The following ASTN2 variants were observed in gnomAD, a reference collection of about 807,000 sequenced individuals.
ASTN2 encodes the protein astrotactin 2.
Under a neutral mutation model 139.8 loss-of-function variants are expected in ASTN2, and 54 were observed. The observed-to-expected ratio is 0.39, with a 90% CI of 0.31 to 0.48. The LOEUF (loss-of-function observed/expected upper bound fraction) is 0.48. Ranked by LOEUF, ASTN2 falls within the 20% of genes least tolerant of loss-of-function variation. ASTN2 has a pLI of 0.95. For synonymous variants in ASTN2, 756 were observed against 719.5 expected, an observed-to-expected ratio of 1.05 and a Z score of -0.81; for missense variants, 1,565 against 1,725.1, an observed-to-expected ratio of 0.91 and a Z score of 1.64.
chr9:117,189,025 C>T (rs1256600000), intron 3 of ASTN2, among the ~76,000 whole-genome samples: 1 of 152,108 alleles, frequency 6.6e-6, no homozygotes, highest in Non-Finnish European at 1.5e-5. Context: ...CTCCTGTCCC[C>T]ACCTGGGACA....
chr9:116,464,345 A>G (rs1358186095), intron 20 of ASTN2, among the ~76,000 whole-genome samples: 1 of 152,084 alleles, frequency 6.6e-6, no homozygotes, highest in Admixed American at 6.6e-5. Context: ...GATTTTTGTG[A>G]GGATTATTTG....
intron 19 of ASTN2, among the ~76,000 whole-genome samples, chr9:116,609,314 C>CTG (rs1295358031): frequency 2.5e-5 from 3 of 119,488 alleles, no homozygotes; most frequent in African/African-American, 1.2e-4. Flanking sequence ...CTCTCTCTCT[C>CTG]TCTCTCTCTC....
At chr9:117,198,525 T>C (rs567442579) in intron 3 of ASTN2, among the ~76,000 whole-genome samples, 2 of 152,218 alleles carry the variant, frequency 1.3e-5, no homozygotes, top group African/African-American at 4.8e-5. Context: ...CCACATTTTC[T>C]TTATCCAGTG....
chr9:117,157,002 A>G lies in ASTN2; in HGVS notation c.1016-15524T>C, dbSNP rs142553070. Among the ~76,000 whole-genome samples, 3 of 152,100 alleles carry G rather than the reference A, an allele frequency of 2.0e-5. No individual in the cohort carries two copies. In the East Asian group the frequency reaches 5.8e-4, roughly 30 times the overall value. ...AGCACATACACACAGACATACAGAC[A>G]TACACCCTCTTGTCCATGCCTCTGG... On this transcript the variant is annotated intron_variant, in intron 3 of 22. Coordinates refer to ENST00000313400, the MANE Select transcript of ASTN2 (RefSeq NM_001365068.1).
intron 5 of ASTN2, among the ~76,000 whole-genome samples, chr9:117,060,767 C>T (rs10983485): frequency 0.26 from 39,523 of 151,544 alleles, 5,334 homozygotes; most frequent in South Asian, 0.4. Flanking sequence ...TGATGGCAGG[C>T]ACCTGTAGTC....
At chr9:117,288,327 G>A (rs1834500049) in intron 2 of ASTN2, among the ~76,000 whole-genome samples, 1 of 152,180 alleles carries the variant, frequency 6.6e-6, no homozygotes, top group South Asian at 2.1e-4. Flanking sequence ...AGGTTCCAGT[G>A]GCTGAATGGG....
chr9:117,245,392 T>C (rs1833349644), intron 2 of ASTN2, among the ~76,000 whole-genome samples: 1 of 152,208 alleles, frequency 6.6e-6, no homozygotes, highest in Non-Finnish European at 1.5e-5. Context: ...GTGACTAATC[T>C]TCAAGTGGCG....
chr9:116,656,155 A>AC (rs1238923433), intron 16 of ASTN2, among the ~76,000 whole-genome samples: 7 of 152,162 alleles, frequency 4.6e-5, no homozygotes, highest in Non-Finnish European at 1.0e-4. Flanking sequence ...TCCATCTTAC[A>AC]CAGTACCTGG....
intron 1 of ASTN2, among the ~76,000 whole-genome samples, chr9:117,299,673 T>C (rs1834828483): frequency 1.3e-5 from 2 of 152,234 alleles, no homozygotes; most frequent in South Asian, 4.2e-4. Context: ...CCTAGCAGAA[T>C]AATACAAGTG....
intron 17 of ASTN2, among the ~76,000 whole-genome samples, chr9:116,629,024 G>C (rs1856599007): frequency 6.6e-6 from 1 of 151,802 alleles, no homozygotes; most frequent in Admixed American, 6.6e-5. Context: ...TCTTTATTCT[G>C]TGCCTAGTGC....
At chr9:116,812,562 T>G (rs1831194110) in intron 12 of ASTN2, among the ~76,000 whole-genome samples, 1 of 152,126 alleles carries the variant, frequency 6.6e-6, no homozygotes, top group South Asian at 2.1e-4. Context: ...ATATTGACCT[T>G]GAGAACTGTA....
intron 10 of ASTN2, among the ~76,000 whole-genome samples, chr9:116,940,325 G>A (rs1040429183): frequency 6.6e-6 from 1 of 152,108 alleles, no homozygotes; most frequent in African/African-American, 2.4e-5. Flanking sequence ...ACAAGTCCTT[G>A]TAACTGTAAG....
rs374572673 is a variant in ASTN2 at position 116,493,934 on chromosome 9, A to T, written c.3356-6434T>A. On this transcript the variant is annotated intron_variant, in intron 19 of 22. Transcript: ENST00000313400. Reference sequence around the variant, plus strand: ...TCTGGGCCTGGCCTCTCTAACCTGCAGATGCTCTTTGTCATGGTGCCCAGG... The same window carrying T: ...TCTGGGCCTGGCCTCTCTAACCTGCTGATGCTCTTTGTCATGGTGCCCAGG... Among the ~76,000 whole-genome samples, 4 of 152,118 alleles carry T rather than the reference A, an allele frequency of 2.6e-5. No individual in the cohort carries two copies. The East Asian group carries it at 5.8e-4, about 22-fold the overall frequency.
chr9:117,385,960 G>C (rs1193338629), intron 1 of ASTN2, among the ~76,000 whole-genome samples: 2 of 152,108 alleles, frequency 1.3e-5, no homozygotes, highest in Non-Finnish European at 2.9e-5. Flanking sequence ...AAGGGGCAAT[G>C]GTGGGGGATG....
intron 3 of ASTN2, among the ~76,000 whole-genome samples, chr9:117,202,865 T>C (rs1190841855): frequency 1.3e-5 from 2 of 152,160 alleles, no homozygotes; most frequent in Non-Finnish European, 2.9e-5. Context: ...ATTTCCTGAA[T>C]TTGCATGCTA....
chr9:116,754,070 T>C lies in ASTN2; in HGVS notation c.2397-20547A>G, dbSNP rs779605808. ...AGTGAGAACACGCGGTGTTTGGTTT[T>C]CTGTTCTTGTGTTAATTTGCCGAGA... On this transcript the variant is annotated intron_variant, in intron 13 of 22. Coordinates refer to ENST00000313400, the MANE Select transcript of ASTN2 (RefSeq NM_001365068.1). 5.1e-4 allele frequency among the ~76,000 whole-genome samples: 78 copies of C among 151,702 alleles called. 1 individual carries two copies. The highest frequency in any genetic ancestry group is 1.1e-3 in the Non-Finnish European group (75 of 67,948).
intron 11 of ASTN2, among the ~76,000 whole-genome samples, chr9:116,835,042 T>A (rs1314593977): frequency 6.6e-6 from 1 of 152,142 alleles, no homozygotes; most frequent in African/African-American, 2.4e-5. Flanking sequence ...AAATGCTGTT[T>A]CACAAAAAAT....
intron 5 of ASTN2, among the ~76,000 whole-genome samples, chr9:117,047,791 A>G (rs535015479): frequency 2.0e-5 from 3 of 152,206 alleles, no homozygotes; most frequent in African/African-American, 7.2e-5. Flanking sequence ...TGTACTTTGT[A>G]TAGATTTGTT....
intron 16 of ASTN2, among the ~76,000 whole-genome samples, chr9:116,670,234 T>C (rs563229490): frequency 7.9e-5 from 12 of 152,340 alleles, no homozygotes; most frequent in Middle Eastern, 3.4e-3. Context: ...ACAGCTAGTA[T>C]TGTCAAACTA....
Sources: allele counts gnomAD v4.1 joint callset (sites outside exome capture counted in the v4.1 genomes callset), GRCh38; gene constraint gnomAD v4.1.1; transcripts MANE v1.5; gene names NCBI Gene and HGNC (gene_info 2026-07-23, HGNC 2026-07-21).